RIMBP2: variants seen among roughly 807,000 people sequenced by gnomAD.
The protein encoded by RIMBP2 is RIMS-binding protein 2.
A neutral mutation model predicts 118.6 loss-of-function variants in RIMBP2; 48 were observed. The ratio of observed to expected loss-of-function variants is 0.40; its 90% CI spans 0.32 to 0.51. The LOEUF (loss-of-function observed/expected upper bound fraction) is 0.51. Among genes scored for constraint, RIMBP2 ranks in the 20% least tolerant of loss-of-function variants. The pLI, the probability that RIMBP2 is intolerant of heterozygous loss-of-function variation, is 0.41. For synonymous variants in RIMBP2, 762 were observed against 742.9 expected (o/e 1.03, Z -0.42); for missense variants, 1,551 against 1,768.3 (o/e 0.88, Z 2.20).
At chr12:130,485,189 A>G (rs1051910895) in intron 4 of RIMBP2, among the ~76,000 whole-genome samples, 1 of 152,256 alleles carries the variant, frequency 6.6e-6, no homozygotes, top group African/African-American at 2.4e-5. Flanking sequence ...CATTGGTAAA[A>G]TGACGGTGAG....
intron 1 of RIMBP2, among the ~76,000 whole-genome samples, chr12:130,678,433 G>A (rs1228292596): frequency 3.9e-5 from 6 of 152,220 alleles, no homozygotes; most frequent in Non-Finnish European, 5.9e-5. Context: ...CGAAGTGCCC[G>A]CTCAGGGTAC....
chr12:130,666,032 A>C (rs1362861341), intron 1 of RIMBP2, among the ~76,000 whole-genome samples: 1 of 152,174 alleles, frequency 6.6e-6, no homozygotes, highest in Non-Finnish European at 1.5e-5. Flanking sequence ...GAGAAAGACA[A>C]AGCTAACAGG....
At chr12:130,546,347 G>A (rs1020995967) in intron 2 of RIMBP2, among the ~76,000 whole-genome samples, 1 of 152,256 alleles carries the variant, frequency 6.6e-6, no homozygotes, top group African/African-American at 2.4e-5. Flanking sequence ...CCAGGCTGGA[G>A]TGCAGTGGTG....
intron 2 of RIMBP2, among the ~76,000 whole-genome samples, chr12:130,615,379 C>T (rs1311809670): frequency 2.0e-5 from 3 of 150,550 alleles, no homozygotes; most frequent in South Asian, 2.1e-4. Flanking sequence ...GGCATGATCT[C>T]GGCTCACTGC....
At chr12:130,714,766 G>T (rs1433212196) in intron 1 of RIMBP2, among the ~76,000 whole-genome samples, 3 of 152,200 alleles carry the variant, frequency 2.0e-5, no homozygotes, top group African/African-American at 7.2e-5. Flanking sequence ...CTCCGGAGCC[G>T]GTCAGACCCT....
intron 1 of RIMBP2, among the ~76,000 whole-genome samples, chr12:130,707,936 G>A (rs575381059): frequency 9.2e-5 from 14 of 152,268 alleles, no homozygotes; most frequent in African/African-American, 3.1e-4. Flanking sequence ...GAGGGAGAGA[G>A]AGAGAGACTA....
chr12:130,463,701 G>A (rs1363910429), intron 6 of RIMBP2, among the ~76,000 whole-genome samples: 3 of 151,996 alleles, frequency 2.0e-5, no homozygotes, highest in East Asian at 1.9e-4. Context: ...TGTCAGAGGC[G>A]TTCAAACCAC....
At chr12:130,408,169 G>A (rs2075354600) in intron 19 of RIMBP2, among the ~76,000 whole-genome samples, 1 of 152,214 alleles carries the variant, frequency 6.6e-6, no homozygotes, top group Admixed American at 6.5e-5. Context: ...CGGGGAGGCC[G>A]TGGCTTGGGA....
In RIMBP2 at chr12:130,535,768, T is replaced by TAC. The variant is rs1566218492; in HGVS notation, c.-216-17852_-216-17851insGT. 4.4e-3 allele frequency among the ~76,000 whole-genome samples: 532 copies of TAC among 122,284 alleles called. 12 individuals are homozygous for TAC. Among genetic ancestry groups the TAC allele is most frequent in the African/African-American group, 0.015 (500 of 32,692 alleles). 80.2% of individuals were successfully genotyped at this position (122,284 alleles called of 152,430 possible). ...ATATATATATATATATATATATATA[T>TAC]ATATATATATATATACACATATTTT... is the stretch of plus-strand genomic sequence containing the variant. On this transcript the variant is annotated intron_variant, in intron 2 of 22. Transcript: ENST00000690449.
intron 1 of RIMBP2, among the ~76,000 whole-genome samples, chr12:130,671,081 T>C (rs1382615270): frequency 6.6e-6 from 1 of 152,122 alleles, no homozygotes; most frequent in Admixed American, 6.5e-5. Context: ...GCTTTTCTGA[T>C]AGGACAGAAA....
At chr12:130,448,712 A>G (rs1398855900) in intron 9 of RIMBP2, among the ~76,000 whole-genome samples, 1 of 152,248 alleles carries the variant, frequency 6.6e-6, no homozygotes, top group Non-Finnish European at 1.5e-5. Flanking sequence ...GCATGGTGAC[A>G]GATGAGCGGA....
At position 130,420,287 on chromosome 12, in the gene RIMBP2, T is replaced by A. The variant is rs1022222998; in HGVS notation, c.3238+2166A>T. Among the ~76,000 whole-genome samples the A allele has an allele frequency of 6.6e-6, 1 of 152,186 alleles. No individual in the cohort carries two copies. Among genetic ancestry groups the A allele is most frequent in the Non-Finnish European group, 1.5e-5 (1 of 68,038 alleles). Reference sequence around the variant, plus strand: ...GTGTAAAGTATCTGGTTAGAGTTATTTTATGTGGTGTCCCGGCTTGCTACA... The same window carrying A: ...GTGTAAAGTATCTGGTTAGAGTTATATTATGTGGTGTCCCGGCTTGCTACA... On this transcript the variant is annotated intron_variant, in intron 17 of 22. Transcript: ENST00000690449. This position sits in a 1 kb window ranked among gnomAD's most constrained non-coding sequence, Gnocchi z 4.3.
intron 1 of RIMBP2, among the ~76,000 whole-genome samples, chr12:130,684,854 G>A (rs201366109): frequency 5.3e-5 from 8 of 152,122 alleles, no homozygotes; most frequent in African/African-American, 1.7e-4. Flanking sequence ...GCCCTGCTCC[G>A]TCTATGGAGT....
chr12:130,626,024 T>A (rs2061599267), intron 2 of RIMBP2, among the ~76,000 whole-genome samples: 1 of 152,206 alleles, frequency 6.6e-6, no homozygotes, highest in Non-Finnish European at 1.5e-5. Context: ...AAGAAACTGA[T>A]ACCATTATAT....
At chr12:130,672,675 A>G in intron 1 of RIMBP2, among the ~76,000 whole-genome samples, 1 of 152,156 alleles carries the variant, frequency 6.6e-6, no homozygotes, top group East Asian at 1.9e-4. Flanking sequence ...GCAGGCAGGG[A>G]GGTAGCAGCT....
At chr12:130,549,431 C>A (rs1449891024) in intron 2 of RIMBP2, among the ~76,000 whole-genome samples, 1 of 152,088 alleles carries the variant, frequency 6.6e-6, no homozygotes, top group Admixed American at 6.5e-5. Context: ...AAACTCATAT[C>A]ACAGGGGCTT....
Position 130,578,757 on chromosome 12 carries a change from G to A in RIMBP2, c.-217+49565C>T, listed in dbSNP as rs368757725. Reference sequence around the variant, plus strand: ...ACTTGGCTTGTGCCTTCCACTGCACGCTCCACTATCTGAAGTCGCAGGTCC... The same window carrying A: ...ACTTGGCTTGTGCCTTCCACTGCACACTCCACTATCTGAAGTCGCAGGTCC... On this transcript the variant is annotated intron_variant, in intron 2 of 22. Coordinates refer to ENST00000690449, the MANE Select transcript of RIMBP2 (RefSeq NM_001393629.1). This position sits in a 1 kb window ranked among gnomAD's most constrained non-coding sequence, Gnocchi z 4.1. Among the ~76,000 whole-genome samples the A allele has an allele frequency of 1.3e-5, 2 of 152,144 alleles. No individual in the cohort carries two copies. The highest frequency in any genetic ancestry group is 6.5e-5 in the Admixed American group (1 of 15,286).
At chr12:130,591,422 T>A (rs1349602790) in intron 2 of RIMBP2, among the ~76,000 whole-genome samples, 3 of 152,226 alleles carry the variant, frequency 2.0e-5, no homozygotes, top group Non-Finnish European at 4.4e-5. Context: ...AAGGCACTGT[T>A]CCAGGGAATA....
At chr12:130,619,129 C>T (rs1009536655) in intron 2 of RIMBP2, among the ~76,000 whole-genome samples, 2 of 152,194 alleles carry the variant, frequency 1.3e-5, no homozygotes, top group Non-Finnish European at 2.9e-5. Context: ...GTTAATTAAT[C>T]CACTTCTTCC....
Sources: allele counts gnomAD v4.1 joint callset (sites outside exome capture counted in the v4.1 genomes callset), GRCh38; gene constraint gnomAD v4.1.1; non-coding constraint Gnocchi (gnomAD v3.1); transcripts MANE v1.5; gene names NCBI Gene and HGNC (gene_info 2026-07-23, HGNC 2026-07-21).